Variants in LHFPL2 observed in about 807,000 individuals in gnomAD.
The protein encoded by LHFPL2 is LHFPL tetraspan subfamily member 2, also known as LHFPL tetraspan subfamily member 2 protein.
In LHFPL2, 7 loss-of-function variants were observed where a neutral mutation model predicts 17.5. The observed-to-expected ratio is 0.40, with a 90% CI of 0.23 to 0.75. The LOEUF (loss-of-function observed/expected upper bound fraction) is 0.75, where lower values mean the gene tolerates loss of function less well. Ranked by LOEUF, LHFPL2 falls within the 30% of genes least tolerant of loss-of-function variation. The pLI is 0.37. For missense variants in LHFPL2, 241 were observed against 294.8 expected (o/e 0.82, Z 1.34); for synonymous variants, 134 against 116.2 (o/e 1.15, Z -0.99).
intron 3 of LHFPL2, among the ~76,000 whole-genome samples, chr5:78,552,377 C>T (rs182211206): frequency 7.5e-4 from 115 of 152,342 alleles, no homozygotes; most frequent in Non-Finnish European, 1.1e-3. Flanking sequence ...TCGTGATCCA[C>T]CTGCCTCGGC....
chr5:78,644,141 G>A, intron 1 of LHFPL2: 1 of 520,102 alleles, frequency 1.9e-6, no homozygotes, highest in Non-Finnish European at 3.4e-6. Context: ...ATACAAAAAA[G>A]ACAATGTACA....
At position 78,593,266 on chromosome 5, in the gene LHFPL2, G is replaced by A. The variant is rs377092622; in HGVS notation, c.-244-28395C>T. 6.8e-4 allele frequency among the ~76,000 whole-genome samples: 103 copies of A among 152,232 alleles called. 2 individuals carry two copies. Among genetic ancestry groups the A allele is most frequent in the African/African-American group, 2.3e-3 (97 of 41,534 alleles). On this transcript the variant is annotated intron_variant, in intron 2 of 4. Coordinates refer to ENST00000380345, the MANE Select transcript of LHFPL2 (RefSeq NM_005779.3). ...CACTTCTCATCCCCATGGGAATCAGGAGAAAGATTTCACAGCCCTCAAGTA... is the reference window on the plus strand; with the variant it reads ...CACTTCTCATCCCCATGGGAATCAGAAGAAAGATTTCACAGCCCTCAAGTA...
chr5:78,529,467 C>T (rs1353546785), intron 3 of LHFPL2, among the ~76,000 whole-genome samples: 1 of 152,180 alleles, frequency 6.6e-6, no homozygotes, highest in African/African-American at 2.4e-5. Flanking sequence ...TGAAGCCACA[C>T]ATTGCCCCTG....
chr5:78,549,486 G>A (rs925043864), intron 3 of LHFPL2, among the ~76,000 whole-genome samples: 1 of 152,210 alleles, frequency 6.6e-6, no homozygotes, highest in African/African-American at 2.4e-5. Flanking sequence ...CAGAGTTATA[G>A]GAGTTCTGGG....
rs1754237014 is a variant in LHFPL2, at chr5:78,486,275, CT to C, written c.*2621del. Reference sequence around the variant, plus strand: ...TCCACAGAATCCAAGGCAAATATTTCTGCCTCAGAGTTCATTGAGAAGCGCA... The same window carrying C: ...TCCACAGAATCCAAGGCAAATATTTCGCCTCAGAGTTCATTGAGAAGCGCA... On this transcript the variant is annotated 3_prime_UTR_variant, in exon 5 of 5. Coordinates refer to ENST00000380345, the MANE Select transcript of LHFPL2 (RefSeq NM_005779.3). The C allele has an allele frequency of 6.6e-6, 1 of 152,574 alleles. No individual in the cohort carries two copies. The highest frequency in any genetic ancestry group is 2.4e-5 in the African/African-American group (1 of 41,574). 9.5% of individuals were successfully genotyped at this position (152,574 alleles called of 1,614,324 possible). A position where few individuals can be genotyped will look rare whatever the true frequency, so the allele number is the denominator to read the frequency against.
Position 78,600,356 on chromosome 5 carries a change from TA to T in LHFPL2, c.-245+31907del, listed in dbSNP as rs113903827. 2.2e-3 allele frequency among the ~76,000 whole-genome samples: 334 copies of T among 149,884 alleles called. 2 individuals carry two copies. The highest frequency in any genetic ancestry group is 7.2e-3 in the African/African-American group (294 of 40,868). On this transcript the variant is annotated intron_variant, in intron 2 of 4. Coordinates refer to ENST00000380345, the MANE Select transcript of LHFPL2 (RefSeq NM_005779.3). ...TCTTCAGTTTGGGGTTACAGGTGAT[TA>T]AAAAAAAAATTAAAATTACAGCCTG...
At chr5:78,636,153 C>T (rs1745442224) in intron 1 of LHFPL2, among the ~76,000 whole-genome samples, 1 of 152,170 alleles carries the variant, frequency 6.6e-6, no homozygotes, top group South Asian at 2.1e-4. Context: ...TCCTGCTCTG[C>T]CCTCCTTGAA....
chr5:78,560,347 C>T (rs1756692895), intron 3 of LHFPL2, among the ~76,000 whole-genome samples: 3 of 152,234 alleles, frequency 2.0e-5, no homozygotes, highest in African/African-American at 7.2e-5. Flanking sequence ...GCAATCATGC[C>T]CTTGGCAATA....
chr5:78,571,539 TCA>T lies in LHFPL2; in HGVS notation c.-244-6670_-244-6669del, dbSNP rs558708821. Among the ~76,000 whole-genome samples, 468 of 152,254 alleles carry T rather than the reference TCA, an allele frequency of 3.1e-3. 4 individuals carry two copies. Among genetic ancestry groups the T allele is most frequent in the African/African-American group, 0.011 (455 of 41,524 alleles). On this transcript the variant is annotated intron_variant, in intron 2 of 4. Coordinates refer to ENST00000380345, the MANE Select transcript of LHFPL2 (RefSeq NM_005779.3). ...CAAGTCCATCCACTCATCTCATGGCTCACATTTACAAACTGTGGCTTGGGGTG... is the reference window on the plus strand; with the variant it reads ...CAAGTCCATCCACTCATCTCATGGCTCATTTACAAACTGTGGCTTGGGGTG...
intron 4 of LHFPL2, among the ~76,000 whole-genome samples, chr5:78,505,030 CAA>C (rs1344003107): frequency 1.3e-5 from 2 of 152,248 alleles, no homozygotes; most frequent in African/African-American, 4.8e-5. Context: ...CCAGCCAGCA[CAA>C]GTGAGCCAAA....
At chr5:78,500,061 T>TA (rs1754728259) in intron 4 of LHFPL2, among the ~76,000 whole-genome samples, 1 of 151,260 alleles carries the variant, frequency 6.6e-6, no homozygotes, top group Non-Finnish European at 1.5e-5. Flanking sequence ...ACTGACGACT[T>TA]AGTTTTTGCT....
At chr5:78,632,749 C>T (rs1010382681) in intron 1 of LHFPL2, among the ~76,000 whole-genome samples, 1 of 152,064 alleles carries the variant, frequency 6.6e-6, no homozygotes, top group African/African-American at 2.4e-5. Context: ...ATAAATAGGT[C>T]GCATTCACGA....
chr5:78,597,179 C>T (rs1362200822), intron 2 of LHFPL2, among the ~76,000 whole-genome samples: 2 of 152,126 alleles, frequency 1.3e-5, no homozygotes, highest in Non-Finnish European at 2.9e-5. Flanking sequence ...ACGAGCGAGG[C>T]GCCAAGAGAG....
chr5:78,564,855 C>T lies in LHFPL2; in HGVS notation c.-228G>A, dbSNP rs993392867. ...AATGCTGGGAAGTCTTAATGAACAA[C>T]TTCAGAAAAATGCCACCTGGAAAAA... On this transcript the variant is annotated 5_prime_UTR_variant, in exon 3 of 5. Transcript: ENST00000380345. 3 of 152,154 alleles carry T rather than the reference C, an allele frequency of 2.0e-5. No individual in the cohort carries two copies. The highest frequency in any genetic ancestry group is 2.9e-5 in the Non-Finnish European group (2 of 68,028). 9.4% of individuals were successfully genotyped at this position (152,154 alleles called of 1,614,324 possible).
chr5:78,578,809 C>T (rs769507598), intron 2 of LHFPL2, among the ~76,000 whole-genome samples: 5 of 152,244 alleles, frequency 3.3e-5, no homozygotes, highest in Non-Finnish European at 7.3e-5. Flanking sequence ...TACTCCATCT[C>T]TAACTCTAGG....
intron 3 of LHFPL2, among the ~76,000 whole-genome samples, chr5:78,541,482 C>T (rs1317251650): frequency 6.6e-6 from 1 of 152,162 alleles, no homozygotes; most frequent in Non-Finnish European, 1.5e-5. Flanking sequence ...TTGCTAAAGC[C>T]GTTTCACATT....
intron 3 of LHFPL2, among the ~76,000 whole-genome samples, chr5:78,518,339 C>T (rs1017388368): frequency 6.6e-6 from 1 of 152,188 alleles, no homozygotes; most frequent in Non-Finnish European, 1.5e-5. Flanking sequence ...GAGGCCGAGG[C>T]GGGCAGATCA....
chr5:78,523,531 G>A (rs1755524157), intron 3 of LHFPL2, among the ~76,000 whole-genome samples: 1 of 152,080 alleles, frequency 6.6e-6, no homozygotes, highest in Admixed American at 6.5e-5. Context: ...AAGAGACAGA[G>A]GACAAGAGAC....
At chr5:78,544,966 G>C (rs1756227387) in intron 3 of LHFPL2, among the ~76,000 whole-genome samples, 2 of 152,020 alleles carry the variant, frequency 1.3e-5, no homozygotes, top group African/African-American at 4.8e-5. Flanking sequence ...ATCCCAAGTG[G>C]AGAGTGCACG....
Sources: allele counts gnomAD v4.1 joint callset (sites outside exome capture counted in the v4.1 genomes callset), GRCh38; gene constraint gnomAD v4.1.1; transcripts MANE v1.5; gene names NCBI Gene and HGNC (gene_info 2026-07-23, HGNC 2026-07-21).